The following GRIP1 variants were observed in gnomAD, a reference collection of about 807,000 sequenced individuals.
GRIP1 encodes the protein glutamate receptor interacting protein 1, also known as glutamate receptor-interacting protein 1.
Under a neutral mutation model 129.9 loss-of-function variants are expected in GRIP1, and 45 were observed. The ratio of observed to expected loss-of-function variants is 0.35; its 90% confidence interval spans 0.27 to 0.44. The LOEUF is 0.44. Among genes scored for constraint, GRIP1 ranks in the 20% least tolerant of loss-of-function variants. The pLI is 1.00. For synonymous variants in GRIP1, 530 were observed against 520.8 expected (o/e 1.02, Z -0.24); for missense variants, 1,196 against 1,396.8 (o/e 0.86, Z 2.29).
At chr12:66,749,219 T>C (rs943700081) in intron 1 of GRIP1, among the ~76,000 whole-genome samples, 3 of 152,220 alleles carry the variant, frequency 2.0e-5, no homozygotes, top group African/African-American at 7.2e-5. Context: ...TTTAATCCAA[T>C]CTCATTTTCA....
At chr12:67,045,724 G>C (rs1333015008) in intron 1 of GRIP1, among the ~76,000 whole-genome samples, 1 of 152,216 alleles carries the variant, frequency 6.6e-6, no homozygotes, top group East Asian at 1.9e-4. Context: ...TGGAGTGGCA[G>C]TGGGGCAGTC....
chr12:66,804,905 G>A (rs2038958016), upstream of GRIP1, among the ~76,000 whole-genome samples: 1 of 152,126 alleles, frequency 6.6e-6, no homozygotes, highest in South Asian at 2.1e-4. Flanking sequence ...TGTGTTAATT[G>A]GAGCAGCAGG....
chr12:66,524,341 G>A (rs1402521203), intron 5 of GRIP1, among the ~76,000 whole-genome samples: 1 of 152,152 alleles, frequency 6.6e-6, no homozygotes, highest in East Asian at 1.9e-4. Flanking sequence ...TCAGACTACA[G>A]TGCAATCAAA....
chr12:66,435,847 T>C (rs1197631375), intron 13 of GRIP1, among the ~76,000 whole-genome samples: 1 of 152,240 alleles, frequency 6.6e-6, no homozygotes, highest in Non-Finnish European at 1.5e-5. Context: ...GATGAACAAA[T>C]ATCAACTAAT....
At chr12:66,416,061 C>A (rs1476396684) in intron 15 of GRIP1, among the ~76,000 whole-genome samples, 2 of 151,746 alleles carry the variant, frequency 1.3e-5, no homozygotes, top group Non-Finnish European at 2.9e-5. Flanking sequence ...GCACATGTAC[C>A]CTGGAACTTA....
At chr12:66,832,223 A>G (rs1236826938) in intron 1 of GRIP1, among the ~76,000 whole-genome samples, 1 of 152,214 alleles carries the variant, frequency 6.6e-6, no homozygotes, top group Non-Finnish European at 1.5e-5. Flanking sequence ...CTTAGTTTGC[A>G]ATACCTCTAG....
At chr12:67,038,546 T>C (rs547905868) in intron 1 of GRIP1, among the ~76,000 whole-genome samples, 2 of 152,350 alleles carry the variant, frequency 1.3e-5, no homozygotes, top group African/African-American at 4.8e-5. Flanking sequence ...TTTTTCCTAA[T>C]GTCTACTAAC....
intron 1 of GRIP1, among the ~76,000 whole-genome samples, chr12:66,958,666 A>AT (rs1326395884): frequency 1.3e-5 from 2 of 152,260 alleles, no homozygotes; most frequent in African/African-American, 4.8e-5. Flanking sequence ...TTCAAAGTGC[A>AT]TAATATTCCA....
chr12:66,790,041 CA>C (rs2038480379), intron 1 of GRIP1, among the ~76,000 whole-genome samples: 1 of 152,124 alleles, frequency 6.6e-6, no homozygotes. Context: ...ATTAGATCAA[CA>C]TTTTGAGGTC....
rs116180813 is a variant in GRIP1, at chr12:66,930,926, C to T, written c.58+138124G>A. Among the ~76,000 whole-genome samples, 232 of 152,230 alleles carry T rather than the reference C, an allele frequency of 1.5e-3. 1 individual carries two copies. Among genetic ancestry groups the T allele is most frequent in the African/African-American group, 5.2e-3 (217 of 41,548 alleles). ...GATACATGTGCTGTATCTATCTTGG[C>T]TCCAGGATTCTAGTCTAATTTAGAG... On this transcript the variant is annotated intron_variant, in intron 1 of 1. Transcript: ENST00000643019.
intron 7 of GRIP1, among the ~76,000 whole-genome samples, chr12:66,501,015 C>T (rs1174537100): frequency 6.6e-6 from 1 of 152,196 alleles, no homozygotes; most frequent in Non-Finnish European, 1.5e-5. Context: ...AAGACAGTTT[C>T]AGGGCAGTTT....
intron 1 of GRIP1, among the ~76,000 whole-genome samples, chr12:67,001,569 T>C (rs2042551190): frequency 6.6e-6 from 1 of 152,158 alleles, no homozygotes; most frequent in Admixed American, 6.6e-5. Context: ...AACATAATAA[T>C]CAGGATACTA....
chr12:66,581,322 C>A (rs1246830096), intron 2 of GRIP1, among the ~76,000 whole-genome samples: 61 of 151,312 alleles, frequency 4.0e-4, no homozygotes, highest in Admixed American at 2.2e-3. Flanking sequence ...AAAATTGACA[C>A]CCTAACATCA....
intron 19 of GRIP1, among the ~76,000 whole-genome samples, chr12:66,385,126 G>T (rs938770998): frequency 6.6e-6 from 1 of 152,212 alleles, no homozygotes; most frequent in Non-Finnish European, 1.5e-5. Context: ...GTTGTTGAAT[G>T]ATGGTGTAAG....
At chr12:66,814,835 A>AAGGAGAAGC (rs112193360) in intron 1 of GRIP1, among the ~76,000 whole-genome samples, 76,153 of 151,402 alleles carry the variant, frequency 0.5, 19,168 homozygotes, top group Middle Eastern at 0.52. Flanking sequence ...GCAAAAGGCA[A>AAGGAGAAGC]AGGGACCTTC....
intron 2 of GRIP1, among the ~76,000 whole-genome samples, chr12:66,552,435 A>T (rs1565854539): frequency 6.6e-6 from 1 of 152,206 alleles, no homozygotes; most frequent in East Asian, 1.9e-4. Flanking sequence ...GTATTCTTAC[A>T]TCCATTCACT....
rs1002005391 is a variant in GRIP1, at chr12:66,815,820, A to ATTTCTTTC, written c.59-218901_59-218894dup. ...GGGAGTGGCTTAAACAAGATGAAAG[A>ATTTCTTTC]TTTCTTTCTTTCTTTCTTTCTTTCT... On this transcript the variant is annotated intron_variant, in intron 1 of 1. Transcript: ENST00000643019. Among the ~76,000 whole-genome samples the ATTTCTTTC allele has an allele frequency of 4.6e-3, 549 of 118,602 alleles. 6 individuals are homozygous for ATTTCTTTC. The highest frequency in any genetic ancestry group is 0.019 in the African/African-American group (507 of 26,818). 77.8% of individuals were successfully genotyped at this position (118,602 alleles called of 152,430 possible).
chr12:66,478,809 C>T (rs2059706067), intron 7 of GRIP1, among the ~76,000 whole-genome samples: 1 of 152,092 alleles, frequency 6.6e-6, no homozygotes, highest in Non-Finnish European at 1.5e-5. Flanking sequence ...TGTTCTCACT[C>T]ATAGGTGGGA....
intron 1 of GRIP1, among the ~76,000 whole-genome samples, chr12:66,715,337 T>C (rs961721688): frequency 6.6e-6 from 1 of 151,970 alleles, no homozygotes. Context: ...CATGCTGCCC[T>C]GTCCCTACAA....
Sources: allele counts gnomAD v4.1 joint callset (sites outside exome capture counted in the v4.1 genomes callset), GRCh38; gene constraint gnomAD v4.1.1; transcripts MANE v1.5; gene names NCBI Gene and HGNC (gene_info 2026-07-23, HGNC 2026-07-21).